The following MRTFB variants were observed in gnomAD, a reference collection of about 807,000 sequenced individuals.
The protein encoded by MRTFB is myocardin-related transcription factor B.
Under a neutral mutation model 104.2 loss-of-function variants are expected in MRTFB, and 29 were observed. The ratio of observed to expected loss-of-function variants is 0.28; its 90% CI spans 0.21 to 0.38. The LOEUF is 0.38. Among genes scored for constraint, MRTFB ranks in the 10% least tolerant of loss-of-function variants. MRTFB has a pLI of 1.00. For missense variants in MRTFB, 1,270 were observed against 1,341.6 expected, an observed-to-expected ratio of 0.95 and a Z score of 0.83; for synonymous variants, 535 against 519.5, an observed-to-expected ratio of 1.03 and a Z score of -0.41.
At position 14,234,185 on chromosome 16, in the gene MRTFB, A is replaced by C. The variant is rs1567198336; in HGVS notation, c.733A>C (p.Thr245Pro). The change falls in exon 9 of 17, where the codon ACT becomes CCT. Residue 245 changes from threonine to proline, a missense_variant. By Grantham distance (38) the Thr-to-Pro change is conservative (BLOSUM62 -1). Coordinates refer to ENST00000571589, the MANE Select transcript of MRTFB (RefSeq NM_001308142.2). ...VSPTVPEFLKTPPTADQPPPR... is the reference protein window; with the variant it reads ...VSPTVPEFLKPPPTADQPPPR... ...CCCAACAGTTCCTGAATTCTTGAAA[A>C]CTCCTCCAACTGCAGATCAGCCTCC... The C allele has an allele frequency of 1.9e-6, 3 of 1,610,010 alleles. No homozygotes were observed. Among genetic ancestry groups the C allele is most frequent in the East Asian group, 2.2e-5 (1 of 44,732 alleles).
At chr16:14,227,260 C>G (rs1394977721) in intron 8 of MRTFB, among the ~76,000 whole-genome samples, 1 of 150,988 alleles carries the variant, frequency 6.6e-6, no homozygotes, top group Non-Finnish European at 1.5e-5. Context: ...GCATTAGTTC[C>G]CGTGAGAGCT....
rs906048021 is a variant in MRTFB at position 14,262,501 on chromosome 16, T to C, written c.*1057T>C. The C allele has an allele frequency of 6.6e-6, 1 of 152,224 alleles. No individual in the cohort carries two copies. The highest frequency in any genetic ancestry group is 1.5e-5 in the Non-Finnish European group (1 of 68,040). The allele number at this position is 152,224 out of a possible 1,614,324, so 9.4% of individuals were successfully genotyped here. ...TCATCTACCCAGGACATTCCCATGA[T>C]GAGTACAGGTCAGATTGTGCCACAA... On this transcript the variant is annotated 3_prime_UTR_variant, in exon 17 of 17. Coordinates refer to ENST00000571589, the MANE Select transcript of MRTFB (RefSeq NM_001308142.2).
intron 2 of MRTFB, among the ~76,000 whole-genome samples, chr16:14,108,006 A>C (rs1291964120): frequency 6.6e-6 from 1 of 152,026 alleles, no homozygotes; most frequent in East Asian, 1.9e-4. Flanking sequence ...CTGCGTCTCT[A>C]CCAGGGACCC....
chr16:14,189,642 G>C (rs1322669773), intron 3 of MRTFB, among the ~76,000 whole-genome samples: 1 of 152,108 alleles, frequency 6.6e-6, no homozygotes, highest in Non-Finnish European at 1.5e-5. Context: ...TGGAAAACTT[G>C]TTTTTGGGTT....
In MRTFB at chr16:14,266,291, C is replaced by G. The variant is rs559344014; in HGVS notation, c.*4847C>G. The G allele has an allele frequency of 4.5e-4, 69 of 152,164 alleles. No homozygotes were observed. The highest frequency in any genetic ancestry group is 1.4e-3 in the African/African-American group (60 of 41,496). 9.4% of individuals were successfully genotyped at this position (152,164 alleles called of 1,614,324 possible). On this transcript the variant is annotated 3_prime_UTR_variant, in exon 17 of 17. Coordinates refer to ENST00000571589, the MANE Select transcript of MRTFB (RefSeq NM_001308142.2). The stretch of plus-strand genomic sequence containing the variant: ...TTAAGAGTAACATTCAGTAGTAATA[C>G]AAAGTTTTTTTTCTATGTAGAAATT...
chr16:14,172,106 G>A (rs1482952788), intron 3 of MRTFB, among the ~76,000 whole-genome samples: 1 of 152,104 alleles, frequency 6.6e-6, no homozygotes, highest in African/African-American at 2.4e-5. Context: ...CAGTAGAGAA[G>A]TGTCACTCCT....
the MRTFB span, among the ~76,000 whole-genome samples, chr16:14,059,396 G>T: frequency 4.9e-3 from 751 of 152,138 alleles, 1 homozygote; most frequent in Non-Finnish European, 8.3e-3. Context: ...TACCTGGAAG[G>T]GTCTGCCTTG....
chr16:14,135,694 GTC>G (rs1175127740), intron 2 of MRTFB, among the ~76,000 whole-genome samples: 1 of 152,150 alleles, frequency 6.6e-6, no homozygotes, highest in African/African-American at 2.4e-5. Flanking sequence ...TCAGTAACTG[GTC>G]TCTGTCAGAA....
chr16:14,094,110 C>T (rs56979470), intron 2 of MRTFB, among the ~76,000 whole-genome samples: 8,995 of 152,102 alleles, frequency 0.059, 507 homozygotes, highest in East Asian at 0.3. Flanking sequence ...CATGTGGCAC[C>T]GATGAAAGAA....
intron 3 of MRTFB, among the ~76,000 whole-genome samples, chr16:14,185,260 G>T (rs989313020): frequency 1.3e-5 from 2 of 152,188 alleles, no homozygotes; most frequent in Non-Finnish European, 2.9e-5. Flanking sequence ...AGGATAGATA[G>T]CAATCTTTCT....
chr16:14,200,152 A>G, intron 3 of MRTFB: 1 of 738,262 alleles, frequency 1.4e-6, no homozygotes, highest in East Asian at 2.7e-5. Context: ...TAGGTATATC[A>G]TCAAAGGATG....
At chr16:14,183,983 G>A (rs1212437659) in intron 3 of MRTFB, among the ~76,000 whole-genome samples, 1 of 150,070 alleles carries the variant, frequency 6.7e-6, no homozygotes, top group African/African-American at 2.5e-5. Flanking sequence ...AAAGTGGCTG[G>A]TGTAGTTGTG....
intron 2 of MRTFB, among the ~76,000 whole-genome samples, chr16:14,116,035 G>C (rs2036524831): frequency 6.6e-6 from 1 of 152,158 alleles, no homozygotes; most frequent in African/African-American, 2.4e-5. Flanking sequence ...TCATATTGCT[G>C]TTCTTTGTAA....
chr16:14,198,857 C>T (rs910185381), intron 3 of MRTFB, among the ~76,000 whole-genome samples: 1 of 152,206 alleles, frequency 6.6e-6, no homozygotes, highest in Non-Finnish European at 1.5e-5. Context: ...ACATCTGTCC[C>T]CTTCCTACTG....
At chr16:14,056,272 C>T in the MRTFB span, among the ~76,000 whole-genome samples, 1 of 152,148 alleles carries the variant, frequency 6.6e-6, no homozygotes, top group East Asian at 1.9e-4. Flanking sequence ...AGCCACCATG[C>T]CCGGCCTATT....
the MRTFB span, among the ~76,000 whole-genome samples, chr16:14,016,713 CG>C: frequency 7.5e-6 from 1 of 133,928 alleles, no homozygotes; most frequent in South Asian, 2.6e-4. Context: ...GCGGAGGTTG[CG>C]GCGAGCCGAG....
At chr16:14,227,441 A>G (rs1290459200) in intron 8 of MRTFB, among the ~76,000 whole-genome samples, 1 of 152,198 alleles carries the variant, frequency 6.6e-6, no homozygotes, top group Non-Finnish European at 1.5e-5. Flanking sequence ...TGCTGGTGCC[A>G]CGCATCCTGT....
At chr16:14,125,385 C>T (rs2037057063) in intron 2 of MRTFB, among the ~76,000 whole-genome samples, 1 of 152,244 alleles carries the variant, frequency 6.6e-6, no homozygotes, top group Admixed American at 6.5e-5. Flanking sequence ...CTTGAGGTCT[C>T]ATCTTAGATT....
Position 14,247,442 on chromosome 16 carries a change from C to T in MRTFB, c.2182C>T (p.Pro728Ser), listed in dbSNP as rs1271627025. 3 of 1,604,692 alleles carry T rather than the reference C, an allele frequency of 1.9e-6. No homozygotes were observed. The highest frequency in any genetic ancestry group is 1.6e-4 in the Middle Eastern group (1 of 6,080). The stretch of plus-strand genomic sequence containing the variant: ...CACGCAGACTGCTCAGCTGCTGCTC[C>T]CAGTGTCCATCCAGGGCTCGAGTGT... ...LTTQTAQLLL[P>S]VSIQGSSVTS... Residue 728 changes from proline (P) to serine (S), a missense_variant, in exon 12 of 17, where the codon CCA becomes TCA. This residue lies in a region of MRTFB where 1,144 missense variants were observed against 1,131.5 expected (regional missense o/e 1.01). Transcript: ENST00000571589.
Sources: allele counts gnomAD v4.1 joint callset (sites outside exome capture counted in the v4.1 genomes callset), GRCh38; gene constraint gnomAD v4.1.1; regional missense constraint gnomAD v4.1.1; transcripts MANE v1.5; gene names NCBI Gene and HGNC (gene_info 2026-07-23, HGNC 2026-07-21).